MDM1: variants seen among roughly 807,000 people sequenced by gnomAD.
MDM1 encodes Mdm1 nuclear protein.
In MDM1, 61 loss-of-function variants were observed where a neutral mutation model predicts 89.1. The ratio of observed to expected loss-of-function variants is 0.68; its 90% CI spans 0.56 to 0.85. MDM1 has a LOEUF of 0.85. Ranked by LOEUF, MDM1 falls within the 40% of genes least tolerant of loss-of-function variation. The pLI is 0.00. For missense variants in MDM1, 820 were observed against 846.5 expected, an observed-to-expected ratio of 0.97 and a Z score of 0.39; for synonymous variants, 290 against 294.1, an observed-to-expected ratio of 0.99 and a Z score of 0.14.
intron 12 of MDM1, among the ~76,000 whole-genome samples, chr12:68,310,662 A>G (rs1276450330): frequency 6.6e-6 from 1 of 152,224 alleles, no homozygotes; most frequent in Non-Finnish European, 1.5e-5. Context: ...TGTCACTCCA[A>G]TAACATTCAT....
At chr12:68,313,412 T>A in intron 12 of MDM1, 31 bp downstream of exon 12, 1 of 1,430,814 alleles carries the variant, frequency 7.0e-7, no homozygotes, top group Non-Finnish European at 9.8e-7. Context: ...TAGTCCTAGA[T>A]GAGATGCTTT....
chr12:68,316,588 T>C lies in MDM1; in HGVS notation c.1028A>G (p.Tyr343Cys), dbSNP rs1565778244. 6.5e-7 allele frequency: 1 copy of C among 1,534,882 alleles called. No homozygotes were observed. The highest frequency in any genetic ancestry group is 8.7e-7 in the Non-Finnish European group (1 of 1,146,016). The change falls in exon 8 of 15, where the codon TAT (tyrosine) becomes TGT (cysteine). Residue 343 changes from tyrosine (Y) to cysteine (C), a missense_variant. Tyr to Cys is a radical substitution (Grantham distance 194). Coordinates refer to ENST00000682720, the MANE Select transcript of MDM1 (RefSeq NM_001354969.2). ...PNQGSLNAMW[Y>C]AEVKELREKA... ...AACTCAAAAGCAACCAACCTCAGCA[T>C]ACCACATGGCATTTAGAGAACCCTA...
chr12:68,326,487 T>C, intron 3 of MDM1, 170 bp downstream of exon 3: 2 of 1,519,424 alleles, frequency 1.3e-6, no homozygotes, highest in Non-Finnish European at 1.8e-6. Context: ...AGAATAGAAC[T>C]AATTCACAAT....
chr12:68,321,909 A>G (rs1471011976), intron 5 of MDM1, among the ~76,000 whole-genome samples: 1 of 152,220 alleles, frequency 6.6e-6, no homozygotes, highest in Non-Finnish European at 1.5e-5. Context: ...TAAGTTAACA[A>G]ATACATATCT....
chr12:68,329,820 GGC>G (rs1876529384), intron 2 of MDM1, among the ~76,000 whole-genome samples: 1 of 152,134 alleles, frequency 6.6e-6, no homozygotes, highest in South Asian at 2.1e-4. Context: ...GGGAAACTCT[GGC>G]CCAGGACTCT....
At chr12:68,319,952 A>T (rs888892757) in intron 7 of MDM1, among the ~76,000 whole-genome samples, 4 of 152,340 alleles carry the variant, frequency 2.6e-5, no homozygotes, top group Middle Eastern at 3.4e-3. Context: ...GCCTAAACTC[A>T]TCTTAGTTTA....
In MDM1 at chr12:68,327,026, A is replaced by C. The variant is rs777553610; in HGVS notation, c.134-5T>G. On this transcript the variant is annotated splice_region_variant and splice_polypyrimidine_tract_variant and intron_variant, in intron 2 of 14. Transcript: ENST00000682720. ...AACTTGGCTCTTTCGTGATGCCTACAAAACACGGTATACAAAAATAGTAGC... is the reference window on the plus strand; with the variant it reads ...AACTTGGCTCTTTCGTGATGCCTACCAAACACGGTATACAAAAATAGTAGC... 1 of 1,570,672 alleles carries C rather than the reference A, an allele frequency of 6.4e-7. No individual in the cohort carries two copies.
chr12:68,320,638 G>A (rs1875095799), intron 7 of MDM1, among the ~76,000 whole-genome samples: 1 of 152,176 alleles, frequency 6.6e-6, no homozygotes, highest in Admixed American at 6.5e-5. Context: ...TGTTTACAAT[G>A]ACAGGGGGAA....
At chr12:68,298,858 T>C (rs1871765923) in intron 13 of MDM1, among the ~76,000 whole-genome samples, 1 of 151,700 alleles carries the variant, frequency 6.6e-6, no homozygotes. Flanking sequence ...TGGAGAAAAA[T>C]TAAATAAATG....
chr12:68,300,278 G>T (rs1363721403), intron 13 of MDM1, among the ~76,000 whole-genome samples: 1 of 151,724 alleles, frequency 6.6e-6, no homozygotes, highest in Non-Finnish European at 1.5e-5. Flanking sequence ...CAACACAACG[G>T]AAAAAACAAA....
rs370708867 is a variant in MDM1 at position 68,324,905 on chromosome 12, AAT to A, written c.633+534_633+535del. 1.0e-3 allele frequency: 646 copies of A among 634,780 alleles called. 8 individuals are homozygous for A. The African/African-American group carries it at 0.011, about 11-fold the overall frequency. The allele number at this position is 634,780 out of a possible 1,614,324, so 39.3% of individuals were successfully genotyped here. A position where few individuals can be genotyped will look rare whatever the true frequency, so the allele number is the denominator to read the frequency against. ...ATTGTGCAGGAGTATAATGAAATCT[AAT>A]ACCACATCATTACAGCTTTTGAATT... On this transcript the variant is annotated intron_variant, in intron 4 of 14. Coordinates refer to ENST00000682720, the MANE Select transcript of MDM1 (RefSeq NM_001354969.2).
Position 68,315,100 on chromosome 12 carries a change from T to C in MDM1, c.1377A>G (p.Thr459=), listed in dbSNP as rs1397784406. Residue 459 remains threonine (T), a synonymous_variant, in exon 10 of 15, where the codon ACA becomes ACG. Coordinates refer to ENST00000682720, the MANE Select transcript of MDM1 (RefSeq NM_001354969.2). ...CGGGCTGTTTCTGTACGTCTTCACT[T>C]GTGTTCTCTGTATCCCAAGCCAGCC... ...RRRLAWDTEN[T]SEDVQKQPGE... is the part of the protein sequence containing the mutation. The C allele has an allele frequency of 3.7e-6, 6 of 1,614,158 alleles. No individual in the cohort carries two copies. Among genetic ancestry groups the C allele is most frequent in the South Asian group, 3.3e-5 (3 of 91,072 alleles).
At chr12:68,324,767 G>A (rs1875719144) in intron 4 of MDM1, among the ~76,000 whole-genome samples, 1 of 152,156 alleles carries the variant, frequency 6.6e-6, no homozygotes, top group Non-Finnish European at 1.5e-5. Context: ...TCCTGTCTAT[G>A]CCTAGAAGTA....
In MDM1 at chr12:68,302,801, C is replaced by G; in HGVS notation, c.1821G>C (p.Leu607Phe). 1 of 1,602,946 alleles carries G rather than the reference C, an allele frequency of 6.2e-7. No homozygotes were observed. The highest frequency in any genetic ancestry group is 8.5e-7 in the Non-Finnish European group (1 of 1,178,012). ...GGATATTGTCTTCAGAATCTTCCCG[C>G]AAAGGCAGAGGATCAACTGTTTTTA... Reference protein sequence around the residue: ...AGIKTVDPLPLREDSEDNIHK... With the variant: ...AGIKTVDPLPFREDSEDNIHK... The change falls in exon 13 of 15, where the codon TTG becomes TTC. Residue 607 changes from leucine to phenylalanine, a missense_variant. Coordinates refer to ENST00000682720, the MANE Select transcript of MDM1 (RefSeq NM_001354969.2).
rs551663770 is a variant in MDM1, at chr12:68,332,330, A to C, written c.-85T>G. On this transcript the variant is annotated 5_prime_UTR_variant, in exon 1 of 15. Coordinates refer to ENST00000682720, the MANE Select transcript of MDM1 (RefSeq NM_001354969.2). ...GGGCGGGGCGATAACAGTGTTCCCT[A>C]GCAAAGCCTCGGCCCGGCGTCCCCG... 1.4e-6 allele frequency: 2 copies of C among 1,449,416 alleles called. No individual in the cohort carries two copies. Among genetic ancestry groups the C allele is most frequent in the African/African-American group, 1.4e-5 (1 of 70,102 alleles). 89.8% of individuals were successfully genotyped at this position (1,449,416 alleles called of 1,614,324 possible). A position where few individuals can be genotyped will look rare whatever the true frequency, so the allele number is the denominator to read the frequency against.
chr12:68,307,266 C>G (rs1399273501), intron 12 of MDM1, among the ~76,000 whole-genome samples: 2 of 152,108 alleles, frequency 1.3e-5, no homozygotes, highest in Non-Finnish European at 2.9e-5. Context: ...GTGATGGGTT[C>G]AATAGAAGCC....
At chr12:68,311,014 T>C (rs1465958986) in intron 12 of MDM1, among the ~76,000 whole-genome samples, 3 of 152,150 alleles carry the variant, frequency 2.0e-5, no homozygotes, top group Non-Finnish European at 4.4e-5. Flanking sequence ...TTATTTTACC[T>C]AGACCATCCA....
At chr12:68,304,115 T>C (rs1025955379) in intron 12 of MDM1, among the ~76,000 whole-genome samples, 2 of 151,666 alleles carry the variant, frequency 1.3e-5, no homozygotes, top group Non-Finnish European at 2.9e-5. Context: ...TCTCAAAAAA[T>C]AAAAATAAAA....
chr12:68,331,359 A>G (rs1876792355), intron 1 of MDM1, 138 bp from the exon 2 acceptor site: 2 of 653,098 alleles, frequency 3.1e-6, no homozygotes, highest in Non-Finnish European at 5.5e-6. Context: ...CTCCTTAATA[A>G]GAGCTAATAT....
Sources: allele counts gnomAD v4.1 joint callset (sites outside exome capture counted in the v4.1 genomes callset), GRCh38; gene constraint gnomAD v4.1.1; transcripts MANE v1.5; gene names NCBI Gene and HGNC (gene_info 2026-07-23, HGNC 2026-07-21).